SLC6A5: variants seen among roughly 807,000 people sequenced by gnomAD.
SLC6A5 encodes the protein sodium- and chloride-dependent glycine transporter 2.
Under a neutral mutation model 90.5 loss-of-function variants are expected in SLC6A5, and 58 were observed. That is an observed-to-expected ratio of 0.64 (90% CI 0.52 to 0.80). The LOEUF is 0.80. Among genes scored for constraint, SLC6A5 ranks in the 30% least tolerant of loss-of-function variants. SLC6A5 has a pLI of 0.00. For missense variants in SLC6A5, 1,015 were observed against 1,017.6 expected (o/e 1.00, Z 0.03); for synonymous variants, 427 against 401.4 (o/e 1.06, Z -0.76).
rs1284804540 is a variant in SLC6A5, at chr11:20,601,683, C to T, written c.540+18C>T. The stretch of plus-strand genomic sequence containing the variant: ...CCACCCAGGTAAGCAGGTTGCATTA[C>T]GGCCCGCACAGTGTCCTGCTCTCCA... On this transcript the variant is annotated intron_variant, in intron 2 of 15. Coordinates refer to ENST00000525748, the MANE Select transcript of SLC6A5 (RefSeq NM_004211.5). The T allele has an allele frequency of 1.9e-6, 3 of 1,610,290 alleles. No homozygotes were observed. The highest frequency in any genetic ancestry group is 1.3e-5 in the African/African-American group (1 of 74,988).
At chr11:20,600,680 C>T (rs769956026) in intron 1 of SLC6A5, among the ~76,000 whole-genome samples, 4 of 152,096 alleles carry the variant, frequency 2.6e-5, no homozygotes, top group Non-Finnish European at 4.4e-5. Context: ...AGCTTTGTGG[C>T]CACAGCTTGT....
At chr11:20,608,990 GTT>G (rs1852644056) in intron 5 of SLC6A5, among the ~76,000 whole-genome samples, 1 of 149,886 alleles carries the variant, frequency 6.7e-6, no homozygotes, top group African/African-American at 2.4e-5. Flanking sequence ...GTGTGTGTGT[GTT>G]TAAAGCAGGC....
In SLC6A5 at chr11:20,636,318, G is replaced by T. The variant is rs1291180235; in HGVS notation, c.1636G>T (p.Ala546Ser). Residue 546 changes from alanine to serine, a missense_variant, in exon 11 of 16, where the codon GCA becomes TCA. Transcript: ENST00000525748. ...ENVADQGPGI[A>S]FVVYPEALTR... The stretch of plus-strand genomic sequence containing the variant: ...CTTGTTCCTTCCAGGGCCAGGCATT[G>T]CATTTGTGGTTTACCCGGAAGCCTT... The T allele has an allele frequency of 1.9e-6, 3 of 1,611,378 alleles. No individual in the cohort carries two copies. Among genetic ancestry groups the T allele is most frequent in the African/African-American group, 1.3e-5 (1 of 74,874 alleles).
intron 12 of SLC6A5, among the ~76,000 whole-genome samples, chr11:20,637,592 G>A (rs1442766136): frequency 6.6e-6 from 1 of 152,152 alleles, no homozygotes; most frequent in African/African-American, 2.4e-5. Context: ...CATGTCTCTA[G>A]TCCCAGCTAC....
intron 2 of SLC6A5, among the ~76,000 whole-genome samples, 195 bp from the exon 3 acceptor site, chr11:20,604,091 C>T (rs1346926629): frequency 6.6e-6 from 1 of 151,836 alleles, no homozygotes; most frequent in East Asian, 1.9e-4. Flanking sequence ...ACTCTCAGTG[C>T]AGGGTTGAGG....
At position 20,600,794 on chromosome 11, in the gene SLC6A5, C is replaced by T. The variant is rs576616584; in HGVS notation, c.4-335C>T. On this transcript the variant is annotated intron_variant, in intron 1 of 15. Coordinates refer to ENST00000525748, the MANE Select transcript of SLC6A5 (RefSeq NM_004211.5). ...GTGATGGGGATGCGGGCACCCACAG[C>T]TGTGATGTGGAATCCAAAGAGGGAG... Among the ~76,000 whole-genome samples the T allele has an allele frequency of 5.9e-5, 9 of 152,282 alleles. No homozygotes were observed. In the East Asian group the frequency reaches 1.7e-3, roughly 29 times the overall value.
In SLC6A5 at chr11:20,601,562, C is replaced by G. The variant is rs759574943; in HGVS notation, c.437C>G (p.Thr146Ser). The change falls in exon 2 of 16, where the codon ACC (threonine) becomes AGC (serine). Residue 146 changes from threonine to serine, a missense_variant. Physicochemically the swap from Thr to Ser is moderately conservative, Grantham distance 58. Around this residue, in one of 3 missense-constraint regions of SLC6A5, gnomAD observed 567 missense variants for 507.3 expected, o/e 1.12. Transcript: ENST00000525748. ...AAGGGCACCCTGGAGCGGAACAATA[C>G]CCCTGTTGTGGGCTGGGTGAACATG... ...VGKGTLERNN[T>S]PVVGWVNMSQ... The G allele has an allele frequency of 6.2e-7, 1 of 1,614,176 alleles. No individual in the cohort carries two copies. The highest frequency in any genetic ancestry group is 2.2e-5 in the East Asian group (1 of 44,882).
In SLC6A5 at chr11:20,630,760, T is replaced by A; in HGVS notation, c.1569T>A (p.Val523=). The stretch of plus-strand genomic sequence containing the variant: ...TTGCCGGCTTCGTCATCTTCTCCGT[T>A]ATCGGCTTCATGGCCAATGAACGCA... ...SIFAGFVIFS[V]IGFMANERKV... is the part of the protein sequence containing the mutation. The change falls in exon 10 of 16, where the codon GTT becomes GTA. Residue 523 remains valine (V), a synonymous_variant. Transcript: ENST00000525748. The A allele has an allele frequency of 6.2e-7, 1 of 1,614,238 alleles. No homozygotes were observed. Among genetic ancestry groups the A allele is most frequent in the Non-Finnish European group, 8.5e-7 (1 of 1,180,024 alleles).
intron 5 of SLC6A5, among the ~76,000 whole-genome samples, chr11:20,614,421 C>A (rs962015777): frequency 5.9e-5 from 9 of 152,184 alleles, no homozygotes; most frequent in Non-Finnish European, 1.3e-4. Context: ...ACTTGCCTAC[C>A]ACATAGAGAG....
At chr11:20,599,916 G>A (rs1288772065) in intron 1 of SLC6A5, among the ~76,000 whole-genome samples, 2 of 152,112 alleles carry the variant, frequency 1.3e-5, no homozygotes, top group African/African-American at 2.4e-5. Context: ...ACCCGATCCC[G>A]GGCACTGTCC....
At position 20,628,015 on chromosome 11, in the gene SLC6A5, T is replaced by C. The variant is rs1345461966; in HGVS notation, c.1431T>C (p.Ser477=). 1.2e-6 allele frequency: 2 copies of C among 1,614,170 alleles called. No homozygotes were observed. The highest frequency in any genetic ancestry group is 3.3e-5 in the Admixed American group (2 of 60,026). ...ATGCTGCCACTCAGATTTTCTTCTC[T>C]TTATCTGCTGCATGGGGAGGCCTGA... ...WKDAATQIFF[S]LSAAWGGLIT... The change falls in exon 9 of 16, where the codon TCT becomes TCC. Residue 477 remains serine (S), a synonymous_variant. Transcript: ENST00000525748.
intron 14 of SLC6A5, among the ~76,000 whole-genome samples, chr11:20,651,862 C>T (rs1402820517): frequency 1.3e-5 from 2 of 151,714 alleles, no homozygotes; most frequent in Non-Finnish European, 2.9e-5. Flanking sequence ...GCTGAGATCA[C>T]GCCATTGTAC....
intron 13 of SLC6A5, among the ~76,000 whole-genome samples, chr11:20,639,346 T>C (rs1458154072): frequency 6.6e-6 from 1 of 152,068 alleles, no homozygotes; most frequent in Non-Finnish European, 1.5e-5. Context: ...AATATATATA[T>C]AAGGCCACCA....
chr11:20,628,374 T>TC (rs1853043656), intron 9 of SLC6A5, among the ~76,000 whole-genome samples: 1 of 152,190 alleles, frequency 6.6e-6, no homozygotes, highest in Non-Finnish European at 1.5e-5. Context: ...TCTGTGACAG[T>TC]CATTTGTGAG....
chr11:20,607,753 G>C, intron 5 of SLC6A5, 101 bp downstream of exon 5: 1 of 904,832 alleles, frequency 1.1e-6, no homozygotes, highest in Non-Finnish European at 1.8e-6. Flanking sequence ...ACCTATACTA[G>C]GTTCTGGGAA....
intron 5 of SLC6A5, among the ~76,000 whole-genome samples, chr11:20,612,631 C>T (rs1411185341): frequency 6.6e-6 from 1 of 152,234 alleles, no homozygotes; most frequent in Admixed American, 6.5e-5. Flanking sequence ...AATCCTCCTC[C>T]CTCAGCCTCC....
chr11:20,617,695 T>C, intron 6 of SLC6A5, 57 bp from the exon 7 acceptor site: 1 of 1,530,710 alleles, frequency 6.5e-7, no homozygotes, highest in Non-Finnish European at 9.0e-7. Context: ...CTACTGCCTG[T>C]CACCTCCCTC....
At chr11:20,635,406 C>A (rs959513625) in intron 10 of SLC6A5, among the ~76,000 whole-genome samples, 2 of 152,022 alleles carry the variant, frequency 1.3e-5, no homozygotes, top group Non-Finnish European at 2.9e-5. Flanking sequence ...GCGCCGCCCC[C>A]CCGCAACCCG....
In SLC6A5 at chr11:20,614,706, A is replaced by C; in HGVS notation, c.1013A>C (p.Lys338Thr). The C allele has an allele frequency of 6.2e-7, 1 of 1,614,034 alleles. No individual in the cohort carries two copies. The highest frequency in any genetic ancestry group is 8.5e-7 in the Non-Finnish European group (1 of 1,179,882). Reference protein sequence around the residue: ...LDSCVISDHPKIQIKNSTFCM... With the variant: ...LDSCVISDHPTIQIKNSTFCM... ...TCCTGTGTTATCAGTGACCATCCCA[A>C]AATACAGATCAAGAACTCGACTTTC... The change falls in exon 6 of 16, where the codon AAA (lysine) becomes ACA (threonine). Residue 338 changes from lysine (K) to threonine (T), a missense_variant. Transcript: ENST00000525748.
Sources: gnomAD v4.1 joint callset for allele counts (sites outside exome capture counted in the v4.1 genomes callset) on GRCh38, gnomAD v4.1.1 for gene constraint, gnomAD v4.1.1 regional missense constraint, MANE v1.5 for transcripts, NCBI Gene and HGNC (gene_info 2026-07-23, HGNC 2026-07-21) for gene names.